Variants in PVR observed in about 807,000 individuals in gnomAD.
PVR encodes PVR cell adhesion molecule, also known as poliovirus receptor.
PVR carries 39 observed loss-of-function variants against 43.3 expected under a neutral mutation model. That is an observed-to-expected ratio of 0.90 (90% confidence interval 0.70 to 1.18). The LOEUF (loss-of-function observed/expected upper bound fraction) is 1.18. Ranked by LOEUF, PVR falls within the 50% of genes most tolerant of loss-of-function variation. The probability of loss-of-function intolerance (pLI) is 0.00; values close to 1 mark genes in which losing one functional copy is unlikely to be tolerated. For synonymous variants in PVR, 224 were observed against 233.2 expected (o/e 0.96, Z 0.36); for missense variants, 480 against 549.7 (o/e 0.87, Z 1.27).
chr19:44,657,715 C>A, intron 4 of PVR, 47 bp from the exon 5 acceptor site: 1 of 1,604,054 alleles, frequency 6.2e-7, no homozygotes, highest in South Asian at 1.1e-5. Context: ...CACTGTCACT[C>A]CGGACCTGCA....
intron 1 of PVR, 46 bp downstream of exon 1, chr19:44,644,221 C>G: frequency 2.8e-6 from 4 of 1,413,382 alleles, no homozygotes; most frequent in Non-Finnish European, 3.7e-6. Context: ...TGGCTCCCAG[C>G]TCCGCATCCA....
intron 3 of PVR, 43 bp from the exon 4 acceptor site, chr19:44,653,857 C>G (rs1426870699): frequency 7.0e-7 from 1 of 1,425,542 alleles, no homozygotes; most frequent in South Asian, 1.1e-5. Flanking sequence ...CCAGGCCCCC[C>G]AAAGCCTCCC....
chr19:44,657,366 C>G (rs1197526303), intron 4 of PVR, among the ~76,000 whole-genome samples: 1 of 152,154 alleles, frequency 6.6e-6, no homozygotes, highest in Admixed American at 6.5e-5. Context: ...GGCTAGGCCC[C>G]CAGAGGGTAC....
rs1418554157 is a variant in PVR at position 44,663,410 on chromosome 19, G to T, written c.*1599G>T. The T allele has an allele frequency of 6.6e-6, 1 of 152,370 alleles. No homozygotes were observed. The highest frequency in any genetic ancestry group is 2.4e-5 in the African/African-American group (1 of 41,446). The allele number at this position is 152,370 out of a possible 1,614,324, so 9.4% of individuals were successfully genotyped here. A position where few individuals can be genotyped will look rare whatever the true frequency, so the allele number is the denominator to read the frequency against. On this transcript the variant is annotated 3_prime_UTR_variant, in exon 8 of 8. Coordinates refer to ENST00000425690, the MANE Select transcript of PVR (RefSeq NM_006505.5). ...AAGAGCCGGGAACAGAGAAGTGTGG[G>T]GAAGAGATAGGAACCAGCAGGATGG...
intron 1 of PVR, among the ~76,000 whole-genome samples, chr19:44,646,732 A>G (rs945433066): frequency 3.3e-5 from 5 of 152,146 alleles, no homozygotes; most frequent in African/African-American, 9.7e-5. Flanking sequence ...AGATCGCGCC[A>G]CTGCACTCCC....
At chr19:44,654,416 C>T (rs948123798) in intron 4 of PVR, among the ~76,000 whole-genome samples, 1 of 152,198 alleles carries the variant, frequency 6.6e-6, no homozygotes, top group Non-Finnish European at 1.5e-5. Context: ...CTTCGGGCCC[C>T]CAGTGGGGGG....
rs1241966552 is a variant in PVR, at chr19:44,647,506, C to T, written c.363C>T (p.Tyr121=). 3 of 1,613,964 alleles carry T rather than the reference C, an allele frequency of 1.9e-6. No individual in the cohort carries two copies. The highest frequency in any genetic ancestry group is 3.3e-5 in the Admixed American group (2 of 60,000). ...FGLRVEDEGN[Y]TCLFVTFPQG... ...TGCGCGTAGAGGATGAAGGCAACTA[C>T]ACCTGCCTGTTCGTCACGTTCCCGC... The change falls in exon 2 of 8, where the codon TAC becomes TAT. Residue 121 remains tyrosine (Y), a synonymous_variant. Coordinates refer to ENST00000425690, the MANE Select transcript of PVR (RefSeq NM_006505.5).
rs114150173 is a variant in PVR, at chr19:44,651,311, C to T, written c.724+1206C>T. The stretch of plus-strand genomic sequence containing the variant: ...CTGTCTCCCATAGTGTCTACACTGG[C>T]TCCTATGACCACTGTCTATGTAAAC... On this transcript the variant is annotated intron_variant, in intron 3 of 7. Coordinates refer to ENST00000425690, the MANE Select transcript of PVR (RefSeq NM_006505.5). Among the ~76,000 whole-genome samples, 428 of 152,298 alleles carry T rather than the reference C, an allele frequency of 2.8e-3. 3 individuals carry two copies. Among genetic ancestry groups the T allele is most frequent in the African/African-American group, 0.01 (419 of 41,542 alleles).
At position 44,663,684 on chromosome 19, in the gene PVR, C is replaced by T. The variant is rs111780744; in HGVS notation, c.*1873C>T. ...TGGAACCAGAGGCATGGAAGCAAGACGCTAAATGAAGAGGGCCATAAGGGC... is the reference window on the plus strand; with the variant it reads ...TGGAACCAGAGGCATGGAAGCAAGATGCTAAATGAAGAGGGCCATAAGGGC... On this transcript the variant is annotated 3_prime_UTR_variant, in exon 8 of 8. Coordinates refer to ENST00000425690, the MANE Select transcript of PVR (RefSeq NM_006505.5). 1,804 of 151,918 alleles carry T rather than the reference C, an allele frequency of 0.012. 21 individuals are homozygous for T. Among genetic ancestry groups the T allele is most frequent in the Non-Finnish European group, 0.02 (1,328 of 67,986 alleles). The allele number at this position is 151,918 out of a possible 1,614,324, so 9.4% of individuals were successfully genotyped here.
chr19:44,653,220 A>G (rs1414632027), intron 3 of PVR, among the ~76,000 whole-genome samples: 1 of 152,126 alleles, frequency 6.6e-6, no homozygotes, highest in East Asian at 1.9e-4. Context: ...CACCCTGTCT[A>G]CACTGAACCC....
In PVR at chr19:44,647,512, C is replaced by A. The variant is rs1200999780; in HGVS notation, c.369C>A (p.Cys123Ter). ...TAGAGGATGAAGGCAACTACACCTG[C>A]CTGTTCGTCACGTTCCCGCAGGGCA... ...LRVEDEGNYT[C>*]LFVTFPQGSR... Residue 123 changes from cysteine (C) to a stop codon, truncating the protein, a stop_gained, in exon 2 of 8, where the codon TGC becomes TGA. Coordinates refer to ENST00000425690, the MANE Select transcript of PVR (RefSeq NM_006505.5). LOFTEE classifies it high-confidence loss of function. 1 of 1,613,950 alleles carries A rather than the reference C, an allele frequency of 6.2e-7. No homozygotes were observed.
chr19:44,650,239 A>C, intron 3 of PVR, 134 bp downstream of exon 3: 1 of 795,354 alleles, frequency 1.3e-6, no homozygotes, highest in Non-Finnish European at 1.9e-6. Context: ...TGTCTACACG[A>C]CCCACCCCCA....
intron 4 of PVR, among the ~76,000 whole-genome samples, 155 bp from the exon 5 acceptor site, chr19:44,657,607 G>A (rs1223416810): frequency 6.6e-6 from 1 of 152,188 alleles, no homozygotes; most frequent in Admixed American, 6.5e-5. Context: ...TTGGGTGTGG[G>A]CATGAGAGGA....
chr19:44,647,312 G>A lies in PVR; in HGVS notation c.169G>A (p.Glu57Lys), dbSNP rs1568498266. The A allele has an allele frequency of 6.2e-7, 1 of 1,607,414 alleles. No individual in the cohort carries two copies. ...CTGCTACCTACAGGTGCCCAACATG[G>A]AGGTGACGCATGTGTCACAGCTGAC... ...LPCYLQVPNM[E>K]VTHVSQLTWA... The change falls in exon 2 of 8, where the codon GAG becomes AAG. Residue 57 changes from glutamate (E) to lysine (K), a missense_variant. Glu to Lys is a moderately conservative substitution (Grantham distance 56). Coordinates refer to ENST00000425690, the MANE Select transcript of PVR (RefSeq NM_006505.5).
chr19:44,644,276 C>G (rs1384934529), intron 1 of PVR, 101 bp downstream of exon 1: 34 of 812,568 alleles, frequency 4.2e-5, no homozygotes, highest in Non-Finnish European at 5.8e-5. Flanking sequence ...GACGGCCCCG[C>G]CCGGCGCCAC....
chr19:44,649,289 C>T (rs916594323), intron 2 of PVR, among the ~76,000 whole-genome samples: 2 of 152,154 alleles, frequency 1.3e-5, no homozygotes, highest in Non-Finnish European at 2.9e-5. Flanking sequence ...ATTCTAAGAG[C>T]TTTACCTGCA....
At chr19:44,654,092 T>C (rs1272166590) in intron 4 of PVR, 75 bp downstream of exon 4, 4 of 1,221,498 alleles carry the variant, frequency 3.3e-6, no homozygotes, top group South Asian at 1.3e-5. Context: ...GCTGGGGGCC[T>C]GGACTCCTGG....
Position 44,644,805 on chromosome 19 carries a change from T to C in PVR, c.79+630T>C, listed in dbSNP as rs1973032449. ...CTCTCGGCTCACTGCAGCCTCCTCC[T>C]CCCGAGTTCAAGCGATTCTCCTGCT... On this transcript the variant is annotated intron_variant, in intron 1 of 7. Coordinates refer to ENST00000425690, the MANE Select transcript of PVR (RefSeq NM_006505.5). Among the ~76,000 whole-genome samples, 8 of 148,020 alleles carry C rather than the reference T, an allele frequency of 5.4e-5. No individual in the cohort carries two copies. The South Asian group carries it at 1.7e-3, about 31-fold the overall frequency.
intron 4 of PVR, among the ~76,000 whole-genome samples, chr19:44,654,237 C>T (rs1006649612): frequency 8.8e-5 from 10 of 113,054 alleles, no homozygotes; most frequent in African/African-American, 5.4e-4. Flanking sequence ...GGGGCTGGGC[C>T]TGGACCCCTG....
Sources: allele counts gnomAD v4.1 joint callset (sites outside exome capture counted in the v4.1 genomes callset), GRCh38; gene constraint gnomAD v4.1.1; transcripts MANE v1.5; gene names NCBI Gene and HGNC (gene_info 2026-07-23, HGNC 2026-07-21).